The following LMF1 variants were observed in gnomAD, a reference collection of about 807,000 sequenced individuals.
The protein encoded by LMF1 is transmembrane protein 112.
A neutral mutation model predicts 60.6 loss-of-function variants in LMF1; 68 were observed. The ratio of observed to expected loss-of-function variants is 1.12; its 90% CI spans 0.92 to 1.37. LMF1 has a LOEUF of 1.37. LMF1 is among the 40% of genes most tolerant of loss of function. LMF1 has a pLI of 0.00. For missense variants in LMF1, 948 were observed against 767.2 expected (o/e 1.24, Z -2.78); for synonymous variants, 418 against 324.7 (o/e 1.29, Z -3.09).
chr16:902,050 C>T (rs1246177500), intron 4 of LMF1: 1 of 152,292 alleles, frequency 6.6e-6, no homozygotes, highest in African/African-American at 2.4e-5. Flanking sequence ...GTCTGTTGCC[C>T]CAACCCGCTG....
chr16:877,747 G>A (rs1303208550), intron 6 of LMF1, among the ~76,000 whole-genome samples: 1 of 152,162 alleles, frequency 6.6e-6, no homozygotes, highest in East Asian at 1.9e-4. Flanking sequence ...GCCCAGCAGG[G>A]GAGAAAGGGA....
chr16:890,316 G>C (rs755355024), intron 5 of LMF1, among the ~76,000 whole-genome samples: 6 of 152,230 alleles, frequency 3.9e-5, no homozygotes, highest in African/African-American at 7.2e-5. Context: ...AGGGGCTCCT[G>C]GGCCCCGTCC....
At chr16:966,327 C>T (rs936511554) in intron 1 of LMF1, among the ~76,000 whole-genome samples, 1 of 152,236 alleles carries the variant, frequency 6.6e-6, no homozygotes, top group East Asian at 1.9e-4. Flanking sequence ...CACTCATGCC[C>T]TGTGCAGGCG....
upstream of LMF1, chr16:981,303 TGAGAGAGAGAGAGAGA>T (rs751174711): frequency 1.4e-3 from 299 of 214,454 alleles, 3 homozygotes; most frequent in African/African-American, 6.9e-3. Flanking sequence ...TGTGTGTGTG[TGAGAGAGAGAGAGAGA>T]GAGAGAGAGA....
intron 4 of LMF1, among the ~76,000 whole-genome samples, chr16:909,438 A>G (rs2071049763): frequency 6.6e-6 from 1 of 152,116 alleles, no homozygotes; most frequent in African/African-American, 2.4e-5. Flanking sequence ...CACGCCACAC[A>G]GAACCACGCT....
chr16:865,272 A>C (rs1280701375), intron 10 of LMF1, among the ~76,000 whole-genome samples: 2 of 152,234 alleles, frequency 1.3e-5, no homozygotes, highest in Non-Finnish European at 2.9e-5. Flanking sequence ...GAACTACTTC[A>C]GACAGTTTTA....
upstream of LMF1, among the ~76,000 whole-genome samples, chr16:974,909 T>G (rs990429252): frequency 2.0e-5 from 3 of 152,292 alleles, no homozygotes; most frequent in African/African-American, 7.2e-5. Context: ...TGTCCTGAAG[T>G]CTGGGTATGG....
intron 3 of LMF1, among the ~76,000 whole-genome samples, chr16:916,361 G>A (rs1378030677): frequency 6.6e-6 from 1 of 152,202 alleles, no homozygotes; most frequent in East Asian, 1.9e-4. Context: ...ACTCAGCTCT[G>A]CGCCGGGCCG....
intron 1 of LMF1, among the ~76,000 whole-genome samples, chr16:978,561 G>A (rs111315276): frequency 2.0e-5 from 3 of 152,280 alleles, no homozygotes; most frequent in African/African-American, 7.2e-5. Context: ...ATCTACACCA[G>A]CTCTCCACGC....
At chr16:951,845 A>G (rs1387453749) in intron 2 of LMF1, among the ~76,000 whole-genome samples, 2 of 152,192 alleles carry the variant, frequency 1.3e-5, no homozygotes, top group African/African-American at 4.8e-5. Context: ...ACACTCAACA[A>G]GCACAGCCCC....
At chr16:863,781 T>G (rs7206114) in intron 10 of LMF1, among the ~76,000 whole-genome samples, 16,329 of 152,236 alleles carry the variant, frequency 0.11, 2,698 homozygotes, top group African/African-American at 0.35. Context: ...CTACAGGTGC[T>G]TCCACGGCAT....
chr16:980,583 G>A (rs1453293875), intron 1 of LMF1: 3 of 152,206 alleles, frequency 2.0e-5, no homozygotes, highest in Non-Finnish European at 2.9e-5. Flanking sequence ...GCTCGGAGAC[G>A]CGCGTGTCCC....
rs553734794 is a variant in LMF1 at position 955,225 on chromosome 16, T to C, written c.194-559A>G. ...AACTAGACAAGTTACATAAAAGGCG[T>C]GCCTGCAGCAGACGTGGTGTGTGCA... On this transcript the variant is annotated intron_variant, in intron 1 of 10. Transcript: ENST00000262301. Among the ~76,000 whole-genome samples, 7 of 122,146 alleles carry C rather than the reference T, an allele frequency of 5.7e-5. 3 individuals are homozygous for C. In the South Asian group the frequency reaches 1.2e-3, roughly 21 times the overall value. 80.1% of individuals were successfully genotyped at this position (122,146 alleles called of 152,430 possible). A position where few individuals can be genotyped will look rare whatever the true frequency, so the allele number is the denominator to read the frequency against.
upstream of LMF1, among the ~76,000 whole-genome samples, chr16:973,926 C>T (rs530862161): frequency 1.1e-3 from 159 of 151,352 alleles, no homozygotes; most frequent in African/African-American, 3.5e-3. Flanking sequence ...AGGAGAATGA[C>T]GTGAACGCGG....
At position 871,210 on chromosome 16, in the gene LMF1, A is replaced by G; in HGVS notation, c.1029T>C (p.Val343=). The stretch of plus-strand genomic sequence containing the variant: ...CTCGGATGTCCCTCTGCATCTGCAG[A>G]ACTCGGTCCTTCAGGCTGCCTGGCC... The part of the protein sequence containing the change: ...PSGPGSLKDR[V]LQMQRDIRGA... The change falls in exon 7 of 11, where the codon GTT becomes GTC. Residue 343 remains valine (V), a synonymous_variant. Transcript: ENST00000262301. The G allele has an allele frequency of 1.2e-6, 2 of 1,611,276 alleles. No homozygotes were observed. Among genetic ancestry groups the G allele is most frequent in the Non-Finnish European group, 1.7e-6 (2 of 1,179,378 alleles).
chr16:861,336 CACTT>C (rs750021559), intron 10 of LMF1, among the ~76,000 whole-genome samples: 2 of 148,240 alleles, frequency 1.3e-5, no homozygotes, highest in Non-Finnish European at 3.0e-5. Context: ...TTGCTGAACT[CACTT>C]ATTAATTTTC....
At chr16:947,023 G>A (rs2072253935) in intron 2 of LMF1, among the ~76,000 whole-genome samples, 1 of 152,264 alleles carries the variant, frequency 6.6e-6, no homozygotes, top group African/African-American at 2.4e-5. Flanking sequence ...GCAGGACTGA[G>A]TGCTAGGCAG....
At chr16:971,320 TGCCCTCCCCCAGCCAGGC>T (rs1243099892), upstream of LMF1, among the ~76,000 whole-genome samples, 3 of 152,302 alleles carry the variant, frequency 2.0e-5, no homozygotes, top group East Asian at 1.9e-4. Context: ...AGAGGCCAGG[TGCCCTCCCCCAGCCAGGC>T]GCCTTCCCAG....
At chr16:859,221 T>C (rs1468247648) in intron 10 of LMF1, among the ~76,000 whole-genome samples, 4 of 106,226 alleles carry the variant, frequency 3.8e-5, no homozygotes, top group African/African-American at 2.0e-4. Flanking sequence ...GGGACGGGTG[T>C]GCAGTGGTGT....
Sources: allele counts gnomAD v4.1 joint callset (sites outside exome capture counted in the v4.1 genomes callset), GRCh38; gene constraint gnomAD v4.1.1; transcripts MANE v1.5; gene names NCBI Gene and HGNC (gene_info 2026-07-23, HGNC 2026-07-21).